Variants in NRIP1 observed in about 807,000 individuals in gnomAD.
NRIP1 encodes nuclear receptor-interacting protein 1.
Under a neutral mutation model 75.0 loss-of-function variants are expected in NRIP1, and 28 were observed. That is an observed-to-expected ratio of 0.37 (90% CI 0.28 to 0.51). NRIP1 has a LOEUF of 0.51. Ranked by LOEUF, NRIP1 falls within the 20% of genes least tolerant of loss-of-function variation. The pLI is 0.92. For synonymous variants in NRIP1, 526 were observed against 487.6 expected (o/e 1.08, Z -1.04); for missense variants, 1,435 against 1,343.7 (o/e 1.07, Z -1.06).
At chr21:14,998,286 G>T (rs994288008) in intron 3 of NRIP1, among the ~76,000 whole-genome samples, 2 of 152,150 alleles carry the variant, frequency 1.3e-5, no homozygotes, top group African/African-American at 4.8e-5. Context: ...GACATGTACC[G>T]CTGGGACCTA....
At chr21:14,997,172 G>T (rs2147100331) in intron 3 of NRIP1, among the ~76,000 whole-genome samples, 1 of 152,106 alleles carries the variant, frequency 6.6e-6, no homozygotes, top group East Asian at 1.9e-4. Flanking sequence ...CAATTAAAGG[G>T]AGAAAAAAGG....
chr21:14,966,007 T>A lies in NRIP1; in HGVS notation c.2186A>T (p.Glu729Val), dbSNP rs769731808. Residue 729 changes from glutamate to valine, a missense_variant, in exon 4 of 4, where the codon GAG (glutamate) becomes GTG (valine). Glu to Val is a moderately radical substitution (Grantham distance 121). Transcript: ENST00000318948. ...NPNKGKSEKK[E>V]KTPLRDESTQ... ...ACTTTCATCTCTTAAGGGAGTTTTC[T>A]CTTTTTTTTCACTCTTCCCTTTGTT... The A allele has an allele frequency of 4.3e-6, 7 of 1,611,698 alleles. No homozygotes were observed. In the South Asian group the frequency reaches 7.7e-5, roughly 18 times the overall value.
At position 15,064,541 on chromosome 21, in the gene NRIP1, G is replaced by GCCGCCCCGGCCCC. The variant is rs1483144624; in HGVS notation, c.-538+191_-538+203dup. ...GGGCCACTCCACAACTTGCCGGCCC[G>GCCGCCCCGGCCCC]CCGCCCCGGCCCCCCGCGAGAACCC... On this transcript the variant is annotated intron_variant, in intron 1 of 3. Transcript: ENST00000318948. Among the ~76,000 whole-genome samples, 12 of 151,896 alleles carry GCCGCCCCGGCCCC rather than the reference G, an allele frequency of 7.9e-5. No individual in the cohort carries two copies. In the South Asian group the frequency reaches 1.2e-3, roughly 16 times the overall value.
At position 14,970,743 on chromosome 21, in the gene NRIP1, A is replaced by G. The variant is rs570856518; in HGVS notation, c.-334-2217T>C. On this transcript the variant is annotated intron_variant, in intron 3 of 3. Transcript: ENST00000318948. The stretch of plus-strand genomic sequence containing the variant: ...TGAAAACTGGTTTGTAAACAGCCAT[A>G]AAACATACTTTATTTAAGAATAAGA... 2.0e-5 allele frequency among the ~76,000 whole-genome samples: 3 copies of G among 152,332 alleles called. No individual in the cohort carries two copies. In the East Asian group the frequency reaches 5.8e-4, roughly 29 times the overall value.
Position 15,064,259 on chromosome 21 carries a change from C to T in NRIP1, c.-538+486G>A, listed in dbSNP as rs547677703. Among the ~76,000 whole-genome samples the T allele has an allele frequency of 3.9e-5, 6 of 152,302 alleles. No individual in the cohort carries two copies. The South Asian group carries it at 1.2e-3, about 32-fold the overall frequency. ...GTCGGGTGGGGGCCGGGCGAGCTGTCCCTTTTCCTATTCACTTTCCCAGCC... is the reference window on the plus strand; with the variant it reads ...GTCGGGTGGGGGCCGGGCGAGCTGTTCCTTTTCCTATTCACTTTCCCAGCC... On this transcript the variant is annotated intron_variant, in intron 1 of 3. Coordinates refer to ENST00000318948, the MANE Select transcript of NRIP1 (RefSeq NM_003489.4).
intron 1 of NRIP1, among the ~76,000 whole-genome samples, chr21:15,060,683 A>G (rs1288865364): frequency 2.0e-5 from 3 of 152,172 alleles, no homozygotes; most frequent in Non-Finnish European, 4.4e-5. Context: ...GACATTCAAA[A>G]CAAAGTGTGA....
Position 14,964,660 on chromosome 21 carries a change from C to T in NRIP1, c.*56G>A. The T allele has an allele frequency of 1.6e-6, 2 of 1,288,838 alleles. No homozygotes were observed. Among genetic ancestry groups the T allele is most frequent in the Non-Finnish European group, 2.1e-6 (2 of 939,656 alleles). The allele number at this position is 1,288,838 out of a possible 1,614,324, so 79.8% of individuals were successfully genotyped here. On this transcript the variant is annotated 3_prime_UTR_variant, in exon 4 of 4. Transcript: ENST00000318948. ...AAATCATGCTCTTATTTATACAGAT[C>T]TCAAGTTCATACTCATTAGTTTTAA...
Position 14,965,499 on chromosome 21 carries a change from T to C in NRIP1, c.2694A>G (p.Glu898=). Residue 898 remains glutamate, a synonymous_variant, in exon 4 of 4, where the codon GAA becomes GAG. Transcript: ENST00000318948. Reference sequence around the variant, plus strand: ...GATCATTTCTGCTAAATTTCAGCTCTTCCTGGTTAAGCAAGGACCCATACA... The same window carrying C: ...GATCATTTCTGCTAAATTTCAGCTCCTCCTGGTTAAGCAAGGACCCATACA... The part of the protein sequence containing the change: ...EVLYGSLLNQ[E]ELKFSRNDLE... 1 of 1,614,012 alleles carries C rather than the reference T, an allele frequency of 6.2e-7. No individual in the cohort carries two copies. The highest frequency in any genetic ancestry group is 8.5e-7 in the Non-Finnish European group (1 of 1,179,958).
At chr21:15,029,367 T>G (rs2088592552) in intron 2 of NRIP1, among the ~76,000 whole-genome samples, 1 of 152,266 alleles carries the variant, frequency 6.6e-6, no homozygotes, top group Non-Finnish European at 1.5e-5. Flanking sequence ...CTAGCTCCCA[T>G]GCTGACTCAG....
chr21:15,029,866 G>C (rs1396167980), intron 2 of NRIP1, among the ~76,000 whole-genome samples: 1 of 152,076 alleles, frequency 6.6e-6, no homozygotes, highest in African/African-American at 2.4e-5. Context: ...TCTGTACTTT[G>C]TGATCTCACC....
intron 3 of NRIP1, among the ~76,000 whole-genome samples, chr21:15,006,684 C>T (rs1015759723): frequency 6.6e-6 from 1 of 152,134 alleles, no homozygotes; most frequent in African/African-American, 2.4e-5. Context: ...TTCAAGATAA[C>T]TTGGGTGATA....
At chr21:15,055,432 T>TTTAAA (rs1204644287) in intron 1 of NRIP1, among the ~76,000 whole-genome samples, 1 of 152,252 alleles carries the variant, frequency 6.6e-6, no homozygotes, top group African/African-American at 2.4e-5. Context: ...CTATTCTTTT[T>TTTAAA]TTAAATTCTC....
At chr21:15,005,424 T>C (rs569893095) in intron 3 of NRIP1, among the ~76,000 whole-genome samples, 2 of 152,068 alleles carry the variant, frequency 1.3e-5, no homozygotes, top group South Asian at 4.2e-4. Flanking sequence ...CTAAAGGAAG[T>C]TGTTGGTTGG....
intron 3 of NRIP1, among the ~76,000 whole-genome samples, chr21:14,972,240 T>C (rs1044407691): frequency 1.3e-5 from 2 of 152,212 alleles, no homozygotes; most frequent in African/African-American, 4.8e-5. Context: ...CTTTTCTATC[T>C]CTTAAACTAG....
At chr21:15,016,069 G>A (rs1455173792) in intron 2 of NRIP1, among the ~76,000 whole-genome samples, 1 of 152,172 alleles carries the variant, frequency 6.6e-6, no homozygotes, top group Non-Finnish European at 1.5e-5. Flanking sequence ...CATTAAGTGA[G>A]TAATGCTTTA....
At chr21:15,010,057 A>T (rs2088066103) in intron 3 of NRIP1, among the ~76,000 whole-genome samples, 1 of 152,154 alleles carries the variant, frequency 6.6e-6, no homozygotes, top group African/African-American at 2.4e-5. Context: ...TACTATGAAC[A>T]TTTTTTTAAA....
intron 2 of NRIP1, among the ~76,000 whole-genome samples, chr21:15,026,838 A>G (rs750440895): frequency 7.9e-5 from 12 of 152,160 alleles, no homozygotes; most frequent in Non-Finnish European, 1.0e-4. Flanking sequence ...AAACCAATAT[A>G]AGTTGAAAAA....
intron 3 of NRIP1, among the ~76,000 whole-genome samples, chr21:15,010,818 G>C (rs932117945): frequency 2.6e-5 from 4 of 152,164 alleles, no homozygotes; most frequent in African/African-American, 9.7e-5. Flanking sequence ...AAGATGGCTG[G>C]CTGTGAGAAA....
At chr21:14,994,220 G>T (rs182264827) in intron 3 of NRIP1, among the ~76,000 whole-genome samples, 237 of 152,254 alleles carry the variant, frequency 1.6e-3, no homozygotes, top group African/African-American at 5.2e-3. Context: ...CGCCTCCCGA[G>T]TTCAAGTGAT....
Sources: gnomAD v4.1 joint callset for allele counts (sites outside exome capture counted in the v4.1 genomes callset) on GRCh38, gnomAD v4.1.1 for gene constraint, MANE v1.5 for transcripts, NCBI Gene and HGNC (gene_info 2026-07-23, HGNC 2026-07-21) for gene names.